Variants in DCP1A observed in about 807,000 individuals in gnomAD.
DCP1A encodes the protein mRNA-decapping enzyme 1A.
A neutral mutation model predicts 58.0 loss-of-function variants in DCP1A; 20 were observed. The ratio of observed to expected loss-of-function variants is 0.34; its 90% CI spans 0.24 to 0.50. The LOEUF (loss-of-function observed/expected upper bound fraction) is 0.50. Ranked by LOEUF, DCP1A falls within the 20% of genes least tolerant of loss-of-function variation. The probability of loss-of-function intolerance (pLI) is 0.98; values close to 1 mark genes in which losing one functional copy is unlikely to be tolerated. For missense variants in DCP1A, 613 were observed against 712.2 expected, an observed-to-expected ratio of 0.86 and a Z score of 1.59; for synonymous variants, 285 against 275.1, an observed-to-expected ratio of 1.04 and a Z score of -0.36.
At chr3:53,298,663 C>G (rs540887820) in intron 6 of DCP1A, among the ~76,000 whole-genome samples, 5 of 152,322 alleles carry the variant, frequency 3.3e-5, no homozygotes, top group Non-Finnish European at 4.4e-5. Flanking sequence ...GATGTCAATT[C>G]AGCAAAGTAT....
chr3:53,341,036 A>C (rs986179252), intron 3 of DCP1A, among the ~76,000 whole-genome samples: 1 of 152,204 alleles, frequency 6.6e-6, no homozygotes, highest in Non-Finnish European at 1.5e-5. Flanking sequence ...GCTGGTAACC[A>C]GTAGACACTC....
chr3:53,295,707 A>T (rs552274093), intron 6 of DCP1A, among the ~76,000 whole-genome samples: 6 of 152,194 alleles, frequency 3.9e-5, no homozygotes, highest in South Asian at 4.1e-4. Flanking sequence ...TTATTTTTAA[A>T]TTTTTTGTAG....
In DCP1A at chr3:53,287,472, G is replaced by T; in HGVS notation, c.*108C>A. 1 of 660,094 alleles carries T rather than the reference G, an allele frequency of 1.5e-6. No homozygotes were observed. Among genetic ancestry groups the T allele is most frequent in the Non-Finnish European group, 2.6e-6 (1 of 379,856 alleles). The allele number at this position is 660,094 out of a possible 1,614,324, so 40.9% of individuals were successfully genotyped here. A position where few individuals can be genotyped will look rare whatever the true frequency, so the allele number is the denominator to read the frequency against. On this transcript the variant is annotated 3_prime_UTR_variant, in exon 10 of 10. Transcript: ENST00000610213. Reference sequence around the variant, plus strand: ...TTAAGAAATGAGTCTCTTTCTCATAGGCTCAATTTCAGGATTCTCAAACTC... The same window carrying T: ...TTAAGAAATGAGTCTCTTTCTCATATGCTCAATTTCAGGATTCTCAAACTC...
chr3:53,292,423 C>T lies in DCP1A; in HGVS notation c.1029G>A (p.Gln343=), dbSNP rs373193756. 115 of 1,613,838 alleles carry T rather than the reference C, an allele frequency of 7.1e-5. No individual in the cohort carries two copies. In the African/African-American group the frequency reaches 1.5e-3, roughly 21 times the overall value. ...TCTGTCTAGGCGTGGTCTTCACTGC[C>T]TGCATCATGGTGCTGTTTCGAGGTA... ...PSLPRNSTMM[Q]AVKTTPRQRS... Residue 343 remains glutamine, a synonymous_variant, in exon 7 of 10, where the codon CAG becomes CAA. Transcript: ENST00000610213.
chr3:53,323,960 T>C (rs782584656), intron 3 of DCP1A, among the ~76,000 whole-genome samples: 8 of 152,020 alleles, frequency 5.3e-5, no homozygotes, highest in Non-Finnish European at 8.8e-5. Flanking sequence ...ATTAAGTGTA[T>C]TTTCACAGGG....
chr3:53,304,135 CTT>C (rs1365764060), intron 6 of DCP1A, 40 bp downstream of exon 6: 6 of 1,455,214 alleles, frequency 4.1e-6, no homozygotes, highest in Admixed American at 1.8e-5. Flanking sequence ...GAATGTTACT[CTT>C]TGTTACTTAG....
intron 5 of DCP1A, among the ~76,000 whole-genome samples, chr3:53,311,962 A>G (rs1223231053): frequency 6.6e-6 from 1 of 151,860 alleles, no homozygotes; most frequent in African/African-American, 2.4e-5. Flanking sequence ...TTAAAAAAAA[A>G]AAAAGAGAGA....
At chr3:53,318,971 G>A (rs950706043) in intron 4 of DCP1A, among the ~76,000 whole-genome samples, 3 of 152,104 alleles carry the variant, frequency 2.0e-5, no homozygotes, top group Non-Finnish European at 2.9e-5. Flanking sequence ...CTCTGGAGCC[G>A]GGCAGTTTGG....
At chr3:53,303,336 G>A (rs1553687613) in intron 6 of DCP1A, among the ~76,000 whole-genome samples, 1 of 152,092 alleles carries the variant, frequency 6.6e-6, no homozygotes, top group Non-Finnish European at 1.5e-5. Context: ...GTGCAATCTC[G>A]GCTCACTGCA....
At chr3:53,333,652 T>G (rs1193620443) in intron 3 of DCP1A, among the ~76,000 whole-genome samples, 1 of 151,922 alleles carries the variant, frequency 6.6e-6, no homozygotes, top group Non-Finnish European at 1.5e-5. Flanking sequence ...AAAAAAAAAT[T>G]TGTCTGCTTT....
intron 6 of DCP1A, among the ~76,000 whole-genome samples, chr3:53,300,282 T>C (rs1402375791): frequency 2.0e-5 from 3 of 151,952 alleles, no homozygotes; most frequent in African/African-American, 7.3e-5. Context: ...TTGAAAGGCT[T>C]AGCATCTATG....
intron 1 of DCP1A, 83 bp downstream of exon 1, chr3:53,347,300 C>T: frequency 7.2e-7 from 1 of 1,396,782 alleles, no homozygotes; most frequent in Non-Finnish European, 9.3e-7. Context: ...TTAGTGTGCC[C>T]CCCCACCCCA....
At position 53,347,437 on chromosome 3, in the gene DCP1A, T is replaced by C. The variant is rs1553693280; in HGVS notation, c.81A>G (p.Ala27=). 12 of 1,613,606 alleles carry C rather than the reference T, an allele frequency of 7.4e-6. No homozygotes were observed. Among genetic ancestry groups the C allele is most frequent in the Non-Finnish European group, 1.0e-5 (12 of 1,179,686 alleles). ...KQHDPYITSI[A]DLTGQVALYT... is the part of the protein sequence containing the mutation. ...ACAGAGCGACCTGGCCCGTGAGGTC[T>C]GCGATGCTGGTGATATAGGGGTCGT... is the stretch of plus-strand genomic sequence containing the variant. Residue 27 remains alanine, a synonymous_variant, in exon 1 of 10, where the codon GCA becomes GCG. Coordinates refer to ENST00000610213, the MANE Select transcript of DCP1A (RefSeq NM_018403.7).
chr3:53,302,668 G>A (rs192885998), intron 6 of DCP1A, among the ~76,000 whole-genome samples: 4 of 152,226 alleles, frequency 2.6e-5, no homozygotes, highest in Admixed American at 6.5e-5. Flanking sequence ...TGTCGCCTAG[G>A]CTGGAGTGCA....
chr3:53,293,284 T>C (rs1706993419), intron 6 of DCP1A, among the ~76,000 whole-genome samples: 1 of 152,186 alleles, frequency 6.6e-6, no homozygotes. Flanking sequence ...CATTTAATAG[T>C]GGGCCATCCC....
At chr3:53,315,246 A>G (rs1363114123) in intron 4 of DCP1A, among the ~76,000 whole-genome samples, 4 of 152,064 alleles carry the variant, frequency 2.6e-5, no homozygotes, top group African/African-American at 9.7e-5. Flanking sequence ...TATTGTTAAA[A>G]AGAGTTTCTG....
chr3:53,345,972 A>C (rs1449435006), intron 1 of DCP1A, among the ~76,000 whole-genome samples: 1 of 152,214 alleles, frequency 6.6e-6, no homozygotes, highest in Non-Finnish European at 1.5e-5. Context: ...CAGGATCCAA[A>C]TAAACAGTAG....
chr3:53,311,953 TAA>T (rs398038702), intron 5 of DCP1A, among the ~76,000 whole-genome samples: 1 of 146,118 alleles, frequency 6.8e-6, no homozygotes, highest in Non-Finnish European at 1.5e-5. Context: ...ACATCTGTTT[TAA>T]AAAAAAAAAA....
At chr3:53,326,867 T>C (rs956619482) in intron 3 of DCP1A, among the ~76,000 whole-genome samples, 2 of 151,528 alleles carry the variant, frequency 1.3e-5, no homozygotes, top group Admixed American at 1.3e-4. Flanking sequence ...AATCCCCCAA[T>C]CCCCGTCCAT....
Sources: gnomAD v4.1 joint callset for allele counts (sites outside exome capture counted in the v4.1 genomes callset) on GRCh38, gnomAD v4.1.1 for gene constraint, MANE v1.5 for transcripts, NCBI Gene and HGNC (gene_info 2026-07-23, HGNC 2026-07-21) for gene names.